AP3S2: variants seen among roughly 807,000 people sequenced by gnomAD.
The protein encoded by AP3S2 is adaptor related protein complex 3 subunit sigma 2, also known as AP-3 complex subunit sigma-2.
A neutral mutation model predicts 23.4 loss-of-function variants in AP3S2; 22 were observed. The ratio of observed to expected loss-of-function variants is 0.94; its 90% CI spans 0.67 to 1.34. AP3S2 has a LOEUF of 1.34. AP3S2 is among the 40% of genes most tolerant of loss of function. The pLI, the probability that AP3S2 is intolerant of heterozygous loss-of-function variation, is 0.00. For missense variants in AP3S2, 241 were observed against 236.9 expected, an observed-to-expected ratio of 1.02 and a Z score of -0.11; for synonymous variants, 86 against 87.1, an observed-to-expected ratio of 0.99 and a Z score of 0.07.
At chr15:89,857,778 C>G (rs1224670109) in intron 4 of AP3S2, among the ~76,000 whole-genome samples, 2 of 152,194 alleles carry the variant, frequency 1.3e-5, no homozygotes, top group African/African-American at 4.8e-5. Context: ...CCATGGTCAT[C>G]ATTGGTAATA....
chr15:89,840,464 G>T (rs1453210237), intron 4 of AP3S2, among the ~76,000 whole-genome samples: 1 of 152,096 alleles, frequency 6.6e-6, no homozygotes, highest in African/African-American at 2.4e-5. Flanking sequence ...GTCTCACTCT[G>T]TCACCCAGGC....
rs560388323 is a variant in AP3S2, at chr15:89,879,795, A to G, written c.274-8249T>C. Among the ~76,000 whole-genome samples the G allele has an allele frequency of 2.0e-5, 3 of 151,950 alleles. No homozygotes were observed. In the South Asian group the frequency reaches 6.2e-4, roughly 32 times the overall value. On this transcript the variant is annotated intron_variant, in intron 3 of 5. Transcript: ENST00000336418. ...TAATTTTTTTGCATTTTTAGTGGAG[A>G]TACAGTTTCACCATGTTGGCCAGGC...
intron 4 of AP3S2, among the ~76,000 whole-genome samples, chr15:89,864,257 A>G (rs1341263597): frequency 6.6e-6 from 1 of 152,222 alleles, no homozygotes; most frequent in Non-Finnish European, 1.5e-5. Flanking sequence ...AACTGGAATT[A>G]CTTTACTGCT....
At chr15:89,893,757 G>A (rs1477389249) in intron 1 of AP3S2, 124 bp downstream of exon 1, 3 of 922,436 alleles carry the variant, frequency 3.3e-6, no homozygotes, top group Non-Finnish European at 3.3e-6. Flanking sequence ...TAGGGCGAGG[G>A]TCATGCTCGG....
intron 4 of AP3S2, among the ~76,000 whole-genome samples, chr15:89,861,163 G>C (rs1292315915): frequency 6.6e-6 from 1 of 152,092 alleles, no homozygotes; most frequent in Non-Finnish European, 1.5e-5. Context: ...AGTTAATTTT[G>C]AACTCTCAGC....
chr15:89,880,778 AAACT>A (rs1255458265), intron 3 of AP3S2, among the ~76,000 whole-genome samples: 2 of 152,224 alleles, frequency 1.3e-5, no homozygotes, highest in Non-Finnish European at 2.9e-5. Context: ...TGAAGGGTAA[AAACT>A]AAATCCAATT....
intron 4 of AP3S2, among the ~76,000 whole-genome samples, chr15:89,847,196 G>A (rs1195675572): frequency 3.3e-5 from 5 of 151,532 alleles, no homozygotes; most frequent in Non-Finnish European, 5.9e-5. Flanking sequence ...GGGCAACATA[G>A]TGAGACCTCT....
At chr15:89,841,036 CT>C (rs1895318532) in intron 4 of AP3S2, among the ~76,000 whole-genome samples, 1 of 152,176 alleles carries the variant, frequency 6.6e-6, no homozygotes, top group African/African-American at 2.4e-5. Context: ...GAATGAAAGG[CT>C]TTCCATATAT....
rs1567177620 is a variant in AP3S2, at chr15:89,855,550, A to G, written c.345+15925T>C. 4.7e-5 allele frequency among the ~76,000 whole-genome samples: 7 copies of G among 149,502 alleles called. No homozygotes were observed. The South Asian group carries it at 1.5e-3, about 32-fold the overall frequency. ...AAAGAATAAATTAAAAAAAAAAAAA[A>G]AGAATGGACTTTCCCAGGCCAGCTG... On this transcript the variant is annotated intron_variant, in intron 4 of 5. Coordinates refer to ENST00000336418, the MANE Select transcript of AP3S2 (RefSeq NM_005829.5).
chr15:89,871,462 C>T lies in AP3S2; in HGVS notation c.345+13G>A. The T allele has an allele frequency of 6.2e-7, 1 of 1,608,342 alleles. No individual in the cohort carries two copies. The highest frequency in any genetic ancestry group is 8.5e-7 in the Non-Finnish European group (1 of 1,177,668). ...GTAACCCTAGTTTGGAAGAGAACTG[C>T]AAGAGAATATACCTTATCCATATGG... On this transcript the variant is annotated intron_variant, in intron 4 of 5. Transcript: ENST00000336418.
At chr15:89,859,750 A>T in intron 4 of AP3S2, among the ~76,000 whole-genome samples, 1 of 136,476 alleles carries the variant, frequency 7.3e-6, no homozygotes, top group Admixed American at 8.0e-5. Context: ...TTAAGAAATC[A>T]TTATTGCTGA....
intron 1 of AP3S2, among the ~76,000 whole-genome samples, chr15:89,892,195 G>A (rs1302226697): frequency 6.6e-6 from 1 of 152,148 alleles, no homozygotes; most frequent in Admixed American, 6.5e-5. Flanking sequence ...TGCCATTCTG[G>A]AACTGGCAAA....
intron 3 of AP3S2, chr15:89,877,121 G>T: frequency 2.7e-6 from 1 of 367,324 alleles, no homozygotes; most frequent in Non-Finnish European, 5.3e-6. Flanking sequence ...GAGTGAAGAT[G>T]AAGCTAGATG....
chr15:89,893,193 T>G (rs1175313629), intron 1 of AP3S2: 1 of 152,294 alleles, frequency 6.6e-6, no homozygotes, highest in Non-Finnish European at 1.5e-5. Context: ...AGTCCCCCAA[T>G]TATGTAACAT....
intron 5 of AP3S2, 38 bp downstream of exon 5, chr15:89,837,577 T>G: frequency 6.2e-7 from 1 of 1,613,518 alleles, no homozygotes; most frequent in Non-Finnish European, 8.5e-7. Context: ...CCAGGTTTTC[T>G]CTACCCAGCC....
rs183559146 is a variant in AP3S2 at position 89,877,571 on chromosome 15, G to A, written c.274-6025C>T. On this transcript the variant is annotated intron_variant, in intron 3 of 5. Coordinates refer to ENST00000336418, the MANE Select transcript of AP3S2 (RefSeq NM_005829.5). ...TATTTTATAAACCTGAAACATGGCCGGGCGCGGTGGCTCATGCCTGTAATC... is the reference window on the plus strand; with the variant it reads ...TATTTTATAAACCTGAAACATGGCCAGGCGCGGTGGCTCATGCCTGTAATC... 3.8e-4 allele frequency: 178 copies of A among 466,736 alleles called. No homozygotes were observed. In the East Asian group the frequency reaches 0.01, roughly 27 times the overall value. The allele number at this position is 466,736 out of a possible 1,614,324, so 28.9% of individuals were successfully genotyped here.
intron 3 of AP3S2, chr15:89,876,430 GAAAA>G (rs907820594): frequency 1.4e-5 from 2 of 144,962 alleles, no homozygotes; most frequent in Non-Finnish European, 3.0e-5. Flanking sequence ...AAAAAGGAAA[GAAAA>G]AAAAAAGAAA....
At chr15:89,864,778 T>G (rs112314211) in intron 4 of AP3S2, among the ~76,000 whole-genome samples, 5 of 152,064 alleles carry the variant, frequency 3.3e-5, no homozygotes, top group South Asian at 2.1e-4. Context: ...CTGACCTAAG[T>G]TGACCCACTC....
chr15:89,881,212 C>T (rs1464077898), intron 3 of AP3S2, among the ~76,000 whole-genome samples: 1 of 152,002 alleles, frequency 6.6e-6, no homozygotes, highest in Non-Finnish European at 1.5e-5. Flanking sequence ...AGCGTGTATA[C>T]GGTGAGGGGA....
Sources: allele counts gnomAD v4.1 joint callset (sites outside exome capture counted in the v4.1 genomes callset), GRCh38; gene constraint gnomAD v4.1.1; transcripts MANE v1.5; gene names NCBI Gene and HGNC (gene_info 2026-07-23, HGNC 2026-07-21).